The following ZNF761 variants were observed in gnomAD, a reference collection of about 807,000 sequenced individuals.
The protein encoded by ZNF761 is zinc finger protein 761.
In ZNF761, 43 loss-of-function variants were observed where a neutral mutation model predicts 59.9. The ratio of observed to expected loss-of-function variants is 0.72; its 90% CI spans 0.56 to 0.92. ZNF761 has a LOEUF of 0.92. ZNF761 is among the 40% of genes least tolerant of loss of function. ZNF761 has a pLI of 0.00. For missense variants in ZNF761, 850 were observed against 906.1 expected (o/e 0.94, Z 0.79); for synonymous variants, 294 against 304.8 (o/e 0.96, Z 0.37).
intron 1 of ZNF761, among the ~76,000 whole-genome samples, chr19:53,437,326 A>AAAAAG (rs1555836238): frequency 0.012 from 1,845 of 150,528 alleles, 45 homozygotes; most frequent in African/African-American, 0.043. Flanking sequence ...TCAAAAAAAA[A>AAAAAG]AAAAGAAAAA....
chr19:53,437,807 T>TA (rs1485426225), intron 1 of ZNF761, among the ~76,000 whole-genome samples: 1 of 151,762 alleles, frequency 6.6e-6, no homozygotes, highest in Non-Finnish European at 1.5e-5. Context: ...ACATGCAAGG[T>TA]AGTAAAAGCA....
chr19:53,440,758 C>G (rs1415107690), intron 1 of ZNF761, among the ~76,000 whole-genome samples: 2 of 152,160 alleles, frequency 1.3e-5, no homozygotes, highest in African/African-American at 4.8e-5. Context: ...TAACTGCAGC[C>G]TCGACCTCCT....
At chr19:53,438,098 G>A (rs2086061330) in intron 1 of ZNF761, among the ~76,000 whole-genome samples, 1 of 103,310 alleles carries the variant, frequency 9.7e-6, no homozygotes, top group Admixed American at 1.0e-4. Flanking sequence ...ACACAGTTAT[G>A]GAGAAGAGCT....
intron 1 of ZNF761, among the ~76,000 whole-genome samples, chr19:53,432,911 T>A (rs541910073): frequency 6.6e-5 from 10 of 151,542 alleles, no homozygotes; most frequent in African/African-American, 2.4e-4. Flanking sequence ...GGGAGGCTCA[T>A]CAGGGTGAGG....
In ZNF761 at chr19:53,455,342, TTCAG is replaced by T. The variant is rs1568816353; in HGVS notation, c.840_843del (p.Ser280ArgfsTer38). The T allele has an allele frequency of 6.2e-7, 1 of 1,614,208 alleles. No homozygotes were observed. Among genetic ancestry groups the T allele is most frequent in the Non-Finnish European group, 8.5e-7 (1 of 1,180,044 alleles). On this transcript the variant is annotated frameshift_variant, in exon 5 of 5. Transcript: ENST00000684525. LOFTEE classifies it high-confidence loss of function. ...CAAGTGTAATGAGTGTGGCAAGACC[TTCAG>T]TCAGACGTCATCCCTTACATGCCAT...
intron 4 of ZNF761, among the ~76,000 whole-genome samples, chr19:53,452,349 G>A (rs1379977706): frequency 6.6e-6 from 1 of 152,170 alleles, no homozygotes; most frequent in Admixed American, 6.5e-5. Context: ...TGGGCATGCT[G>A]GCGCATGGCT....
intron 3 of ZNF761, 93 bp downstream of exon 3, chr19:53,447,376 C>T (rs2086172012): frequency 1.9e-6 from 3 of 1,541,880 alleles, no homozygotes; most frequent in African/African-American, 1.4e-5. Flanking sequence ...CTGAAGCATC[C>T]TGCCTGACAG....
chr19:53,450,923 A>T (rs896779069), intron 4 of ZNF761, among the ~76,000 whole-genome samples: 1 of 149,516 alleles, frequency 6.7e-6, no homozygotes, highest in Non-Finnish European at 1.5e-5. Context: ...TGAACCCAGG[A>T]GGTGGAGGTT....
In ZNF761 at chr19:53,456,750, GA is replaced by G. The variant is rs1211667644; in HGVS notation, c.*4del. On this transcript the variant is annotated 3_prime_UTR_variant, in exon 5 of 5. Coordinates refer to ENST00000684525, the MANE Select transcript of ZNF761 (RefSeq NM_001289951.2). ...CATACTGGAGAAAAACAAGTGTAAT[GA>G]ATGTGGTGAGGTTTTTAATCAACAA... is the stretch of plus-strand genomic sequence containing the variant. 1 of 1,613,186 alleles carries G rather than the reference GA, an allele frequency of 6.2e-7. No individual in the cohort carries two copies. The highest frequency in any genetic ancestry group is 8.5e-7 in the Non-Finnish European group (1 of 1,179,476).
intron 1 of ZNF761, among the ~76,000 whole-genome samples, chr19:53,433,043 CAGG>C (rs1302888625): frequency 2.4e-5 from 2 of 82,568 alleles, no homozygotes; most frequent in Non-Finnish European, 4.8e-5. Context: ...AGAGTGGGGA[CAGG>C]GGGGTATAAC....
chr19:53,438,596 C>T lies in ZNF761; in HGVS notation c.-185+6568C>T, dbSNP rs577950545. On this transcript the variant is annotated intron_variant, in intron 1 of 4. Coordinates refer to ENST00000684525, the MANE Select transcript of ZNF761 (RefSeq NM_001289951.2). ...GGCTCCTTTTCCCCTCCTTTTGTGG[C>T]GTCATATAACAGCTTAGCCATCAGT... 1.8e-4 allele frequency among the ~76,000 whole-genome samples: 27 copies of T among 152,148 alleles called. No homozygotes were observed. In the South Asian group the frequency reaches 4.8e-3, roughly 27 times the overall value.
intron 1 of ZNF761, chr19:53,441,865 G>C: frequency 6.3e-7 from 1 of 1,575,296 alleles, no homozygotes; most frequent in Admixed American, 1.7e-5. Context: ...TGGGCAGCAT[G>C]GCTGGGATCA....
chr19:53,436,597 G>A (rs1212618574), intron 1 of ZNF761, among the ~76,000 whole-genome samples: 4 of 152,142 alleles, frequency 2.6e-5, no homozygotes, highest in East Asian at 1.9e-4. Context: ...CAGTTCATGC[G>A]CTTTACTTTC....
intron 1 of ZNF761, among the ~76,000 whole-genome samples, chr19:53,441,453 GTTT>G (rs71185882): frequency 0.64 from 91,239 of 143,110 alleles, 29,811 homozygotes; most frequent in South Asian, 0.75. Context: ...TTTGTTTTTT[GTTT>G]TTTTTTTTTT....
At chr19:53,439,366 C>T (rs2086075737) in intron 1 of ZNF761, among the ~76,000 whole-genome samples, 2 of 151,566 alleles carry the variant, frequency 1.3e-5, no homozygotes, top group Admixed American at 1.3e-4. Flanking sequence ...AGTGCACTGG[C>T]GTGGTCTCGG....
intron 1 of ZNF761, chr19:53,443,386 C>T (rs1016116466): frequency 6.6e-6 from 1 of 152,560 alleles, no homozygotes; most frequent in Non-Finnish European, 1.5e-5. Context: ...GCTAAGAAGT[C>T]CAGTGGAGTC....
rs1246172150 is a variant in ZNF761 at position 53,444,032 on chromosome 19, C to T, written c.-184-2195C>T. ...ATGCTTGGTAAAAGTCATCACCATT[C>T]TCCAGTCTCAAATACCAAGGGACAC... On this transcript the variant is annotated intron_variant, in intron 1 of 4. Transcript: ENST00000684525. 3.9e-5 allele frequency: 6 copies of T among 152,532 alleles called. No individual in the cohort carries two copies. In the East Asian group the frequency reaches 7.7e-4, roughly 20 times the overall value. 9.4% of individuals were successfully genotyped at this position (152,532 alleles called of 1,614,324 possible). A position where few individuals can be genotyped will look rare whatever the true frequency, so the allele number is the denominator to read the frequency against.
rs1568818674 is a variant in ZNF761, at chr19:53,456,573, C to G, written c.2066C>G (p.Pro689Arg). 6.2e-7 allele frequency: 1 copy of G among 1,610,990 alleles called. No individual in the cohort carries two copies. Among genetic ancestry groups the G allele is most frequent in the Non-Finnish European group, 8.5e-7 (1 of 1,178,506 alleles). Reference protein sequence around the residue: ...CHHRLHTGEKPYKCNECGKNF... With the variant: ...CHHRLHTGEKRYKCNECGKNF... Reference sequence around the variant, plus strand: ...CATAGACTTCATACTGGAGAGAAACCTTATAAGTGTAATGAGTGTGGCAAG... The same window carrying G: ...CATAGACTTCATACTGGAGAGAAACGTTATAAGTGTAATGAGTGTGGCAAG... The change falls in exon 5 of 5, where the codon CCT becomes CGT. Residue 689 changes from proline to arginine, a missense_variant. Coordinates refer to ENST00000684525, the MANE Select transcript of ZNF761 (RefSeq NM_001289951.2).
At chr19:53,444,773 C>T (rs1401756376) in intron 1 of ZNF761, 2 of 152,174 alleles carry the variant, frequency 1.3e-5, no homozygotes, top group African/African-American at 2.4e-5. Flanking sequence ...GGTTTTATGC[C>T]TTGGGCTTAG....
Sources: gnomAD v4.1 joint callset for allele counts (sites outside exome capture counted in the v4.1 genomes callset) on GRCh38, gnomAD v4.1.1 for gene constraint, MANE v1.5 for transcripts, NCBI Gene and HGNC (gene_info 2026-07-23, HGNC 2026-07-21) for gene names.